Variants in ZBTB38 observed in about 807,000 individuals in gnomAD.
The protein encoded by ZBTB38 is zinc finger and BTB domain-containing protein 38.
In ZBTB38, 20 loss-of-function variants were observed where a neutral mutation model predicts 76.8. That is an observed-to-expected ratio of 0.26 (90% CI 0.18 to 0.38). The LOEUF is 0.38. ZBTB38 is among the 10% of genes least tolerant of loss of function. ZBTB38 has a pLI of 1.00. For synonymous variants in ZBTB38, 504 were observed against 544.2 expected (o/e 0.93, Z 1.03); for missense variants, 1,082 against 1,482.3 (o/e 0.73, Z 4.43).
intron 5 of ZBTB38, among the ~76,000 whole-genome samples, chr3:141,408,676 A>G (rs1559941774): frequency 6.6e-6 from 1 of 152,268 alleles, no homozygotes; most frequent in Non-Finnish European, 1.5e-5. Flanking sequence ...GAAAGTATAA[A>G]ACATTTGACA....
chr3:141,331,204 T>C (rs1942839362), intron 1 of ZBTB38, among the ~76,000 whole-genome samples: 1 of 152,248 alleles, frequency 6.6e-6, no homozygotes. Context: ...TGTTGAAGCA[T>C]GCACTATGCA....
At chr3:141,341,539 C>T (rs1943198867) in intron 1 of ZBTB38, among the ~76,000 whole-genome samples, 1 of 152,178 alleles carries the variant, frequency 6.6e-6, no homozygotes, top group Non-Finnish European at 1.5e-5. Flanking sequence ...GAAGCAAGTT[C>T]AGGGTGAGAA....
chr3:141,377,211 C>T (rs1265801852), intron 2 of ZBTB38, among the ~76,000 whole-genome samples: 1 of 152,210 alleles, frequency 6.6e-6, no homozygotes, highest in Admixed American at 6.5e-5. Flanking sequence ...AGCAACTGGG[C>T]AAACCCAAAG....
At chr3:141,342,123 G>T (rs561751688) in intron 1 of ZBTB38, among the ~76,000 whole-genome samples, 1 of 152,202 alleles carries the variant, frequency 6.6e-6, no homozygotes, top group Admixed American at 6.5e-5. Flanking sequence ...TCAGGAGATC[G>T]AGACTATCCT....
chr3:141,340,949 G>GGAAGGAAGGAAAGAAA (rs747290360), intron 1 of ZBTB38, among the ~76,000 whole-genome samples: 9 of 112,000 alleles, frequency 8.0e-5, no homozygotes, highest in African/African-American at 3.7e-4. Flanking sequence ...AAAGAAAGAA[G>GGAAGGAAGGAAAGAAA]GAAAGAAAGA....
At chr3:141,422,539 G>A (rs1423504335) in intron 5 of ZBTB38, among the ~76,000 whole-genome samples, 2 of 152,304 alleles carry the variant, frequency 1.3e-5, no homozygotes, top group East Asian at 3.9e-4. Context: ...ATGTTTCTAT[G>A]TGTGAAGAAA....
chr3:141,420,765 C>T (rs1340826005), intron 5 of ZBTB38, among the ~76,000 whole-genome samples: 1 of 152,114 alleles, frequency 6.6e-6, no homozygotes, highest in Non-Finnish European at 1.5e-5. Flanking sequence ...CATCACCGTC[C>T]TGAACTTACT....
At chr3:141,361,695 G>A (rs536817304) in intron 1 of ZBTB38, among the ~76,000 whole-genome samples, 2 of 152,170 alleles carry the variant, frequency 1.3e-5, no homozygotes, top group South Asian at 4.1e-4. Context: ...GAGCAGGGTA[G>A]GTCCAGACAG....
rs1037974508 is a variant in ZBTB38, at chr3:141,448,144, G to A, written c.*2168G>A. The A allele has an allele frequency of 2.6e-5, 4 of 152,502 alleles. No individual in the cohort carries two copies. The highest frequency in any genetic ancestry group is 5.9e-5 in the Non-Finnish European group (4 of 67,996). The allele number at this position is 152,502 out of a possible 1,614,324, so 9.4% of individuals were successfully genotyped here. On this transcript the variant is annotated 3_prime_UTR_variant, in exon 6 of 6. Coordinates refer to ENST00000321464, the MANE Select transcript of ZBTB38 (RefSeq NM_001376113.1). ...GTATATTCTAGTCATTTTGATTTGA[G>A]TTAACCCCAAATATAAAATTACCTG...
At chr3:141,362,289 A>T (rs181927522) in intron 1 of ZBTB38, among the ~76,000 whole-genome samples, 85 of 152,308 alleles carry the variant, frequency 5.6e-4, no homozygotes, top group Non-Finnish European at 9.8e-4. Flanking sequence ...GGAAGAAAAG[A>T]GAACAATAAT....
chr3:141,377,958 G>A (rs1350634963), intron 2 of ZBTB38, among the ~76,000 whole-genome samples: 1 of 152,078 alleles, frequency 6.6e-6, no homozygotes, highest in African/African-American at 2.4e-5. Context: ...GGCTGAGGCA[G>A]GAGTGCCCAG....
rs1291303600 is a variant in ZBTB38 at position 141,403,919 on chromosome 3, C to G, written c.-105-8C>G. The G allele has an allele frequency of 6.6e-6, 1 of 151,174 alleles. No individual in the cohort carries two copies. Among genetic ancestry groups the G allele is most frequent in the African/African-American group, 2.4e-5 (1 of 41,206 alleles). 9.4% of individuals were successfully genotyped at this position (151,174 alleles called of 1,614,324 possible). On this transcript the variant is annotated splice_polypyrimidine_tract_variant and splice_region_variant and intron_variant, in intron 4 of 5. Transcript: ENST00000321464. The stretch of plus-strand genomic sequence containing the variant: ...TCATGGGACACTGCACTTTTTTTTT[C>G]TTTTTAGATCTTGATGTGGAAGAAA...
At chr3:141,338,256 G>T (rs183555249) in intron 1 of ZBTB38, among the ~76,000 whole-genome samples, 181 of 152,192 alleles carry the variant, frequency 1.2e-3, no homozygotes, top group African/African-American at 4.2e-3. Flanking sequence ...ACTTAAAACA[G>T]AACTGCCACT....
At chr3:141,378,503 G>A (rs1451707979) in intron 2 of ZBTB38, among the ~76,000 whole-genome samples, 2 of 152,176 alleles carry the variant, frequency 1.3e-5, no homozygotes, top group Non-Finnish European at 2.9e-5. Flanking sequence ...GGGGGAAGGT[G>A]GAGAAAGTAG....
At chr3:141,435,221 G>C (rs1452256043) in intron 5 of ZBTB38, among the ~76,000 whole-genome samples, 2 of 152,092 alleles carry the variant, frequency 1.3e-5, no homozygotes, top group Non-Finnish European at 1.5e-5. Context: ...ATAAAATGCT[G>C]GATGACCATT....
chr3:141,347,224 G>T (rs1018066223), intron 1 of ZBTB38, among the ~76,000 whole-genome samples: 2 of 152,148 alleles, frequency 1.3e-5, no homozygotes, highest in African/African-American at 4.8e-5. Flanking sequence ...CAGACAAAAT[G>T]TGAGTAGAGA....
chr3:141,362,790 A>G (rs72988323), intron 1 of ZBTB38, among the ~76,000 whole-genome samples: 400 of 152,232 alleles, frequency 2.6e-3, no homozygotes, highest in African/African-American at 9.2e-3. Flanking sequence ...AGGGGAATTG[A>G]AGGGGCTCTT....
chr3:141,341,215 A>G (rs1031299590), intron 1 of ZBTB38, among the ~76,000 whole-genome samples: 3 of 152,240 alleles, frequency 2.0e-5, no homozygotes, highest in Admixed American at 6.5e-5. Context: ...GGGACTGTAA[A>G]ACAGTACAGC....
At chr3:141,330,779 G>A (rs766504606) in intron 1 of ZBTB38, among the ~76,000 whole-genome samples, 9 of 152,130 alleles carry the variant, frequency 5.9e-5, no homozygotes, top group Non-Finnish European at 1.3e-4. Context: ...ATGGTTAAAG[G>A]GTTATCACAG....
Sources: gnomAD v4.1 joint callset for allele counts (sites outside exome capture counted in the v4.1 genomes callset) on GRCh38, gnomAD v4.1.1 for gene constraint, MANE v1.5 for transcripts, NCBI Gene and HGNC (gene_info 2026-07-23, HGNC 2026-07-21) for gene names.